Variants in NLRC3 observed in about 807,000 individuals in gnomAD.
NLRC3 encodes the protein NLR family CARD domain-containing protein 3.
In NLRC3, 87 loss-of-function variants were observed where a neutral mutation model predicts 91.6. That is an observed-to-expected ratio of 0.95 (90% CI 0.80 to 1.14). The LOEUF is 1.14. Among genes scored for constraint, NLRC3 ranks in the 50% most tolerant of loss-of-function variants. The pLI, the probability that NLRC3 is intolerant of heterozygous loss-of-function variation, is 0.00. For missense variants in NLRC3, 1,577 were observed against 1,418.6 expected, an observed-to-expected ratio of 1.11 and a Z score of -1.79; for synonymous variants, 694 against 625.3, an observed-to-expected ratio of 1.11 and a Z score of -1.64.
Position 3,564,759 on chromosome 16 carries a change from C to T in NLRC3, c.179-1G>A, listed in dbSNP as rs2039798648. 1 of 1,574,736 alleles carries T rather than the reference C, an allele frequency of 6.4e-7. No homozygotes were observed. ...TTGCGGTGCCTCTGTATCCTTGAGTCTGCGGGACAGAGGCCAGTGGGGAGG... is the reference window on the plus strand; with the variant it reads ...TTGCGGTGCCTCTGTATCCTTGAGTTTGCGGGACAGAGGCCAGTGGGGAGG... On this transcript the variant is annotated splice_acceptor_variant, in intron 4 of 19. Transcript: ENST00000359128. LOFTEE classifies it high-confidence loss of function. This position sits in a 1 kb window ranked among gnomAD's most constrained non-coding sequence, Gnocchi z 5.9.
intron 15 of NLRC3, 145 bp from the exon 16 acceptor site, chr16:3,544,474 C>G (rs1490573536): frequency 1.6e-6 from 1 of 638,226 alleles, no homozygotes; most frequent in African/African-American, 1.8e-5. Flanking sequence ...TGCCCTTCCT[C>G]CACAGGCCCT....
At chr16:3,547,212 T>C (rs2038736158) in intron 15 of NLRC3, among the ~76,000 whole-genome samples, 1 of 152,192 alleles carries the variant, frequency 6.6e-6, no homozygotes, top group South Asian at 2.1e-4. Flanking sequence ...CATTCAGCCT[T>C]ACAAAGGAAC....
rs753410430 is a variant in NLRC3 at position 3,557,578 on chromosome 16, G to A, written c.2099+15C>T. 6.3e-7 allele frequency: 1 copy of A among 1,583,900 alleles called. No homozygotes were observed. Among genetic ancestry groups the A allele is most frequent in the South Asian group, 1.1e-5 (1 of 90,026 alleles). On this transcript the variant is annotated intron_variant, in intron 7 of 19. Transcript: ENST00000359128. ...TTCCAATGGCAAAAGTTCGGCCTTG[G>A]TTGTCCTTACTTACTCCAGAGAGGT...
intron 7 of NLRC3, 87 bp downstream of exon 7, chr16:3,557,506 T>C: frequency 1.3e-6 from 1 of 769,388 alleles, no homozygotes; most frequent in Non-Finnish European, 2.2e-6. Context: ...CCCAAGTCAT[T>C]TCCTAGGAGG....
chr16:3,560,161 T>C (rs952568856), intron 6 of NLRC3, among the ~76,000 whole-genome samples: 6 of 151,970 alleles, frequency 3.9e-5, no homozygotes, highest in African/African-American at 1.4e-4. Flanking sequence ...ACACCTGTAA[T>C]CCCAGCACTT....
chr16:3,555,343 C>T (rs746678351), intron 8 of NLRC3, among the ~76,000 whole-genome samples: 3 of 151,912 alleles, frequency 2.0e-5, no homozygotes, highest in Non-Finnish European at 4.4e-5. Flanking sequence ...ACACCAAAGG[C>T]GAGCCTATAT....
chr16:3,572,527 A>G (rs1031195383), intron 1 of NLRC3, among the ~76,000 whole-genome samples: 24 of 152,290 alleles, frequency 1.6e-4, no homozygotes, highest in African/African-American at 5.3e-4. Flanking sequence ...GGGTCAAGCA[A>G]TCTTCCCACC....
chr16:3,563,337 G>T lies in NLRC3; in HGVS notation c.1600C>A (p.Leu534Met), dbSNP rs1453277700. 12 of 1,593,240 alleles carry T rather than the reference G, an allele frequency of 7.5e-6. 1 individual carries two copies. In the East Asian group the frequency reaches 2.5e-4, roughly 33 times the overall value. ...RVNALLAGSL[L>M]AQGEHQAYRT... ...TAGGCCTGGTGCTCGCCTTGGGCCA[G>T]CAGGGAGCCGGCCAGGAGGGCATTG... is the stretch of plus-strand genomic sequence containing the variant. Residue 534 changes from leucine to methionine, a missense_variant, in exon 5 of 20, where the codon CTG becomes ATG. Physicochemically the swap from Leu to Met is conservative, Grantham distance 15 (BLOSUM62 2). Coordinates refer to ENST00000359128, the MANE Select transcript of NLRC3 (RefSeq NM_178844.4).
chr16:3,543,853 T>C (rs2038542544), intron 16 of NLRC3: 1 of 352,440 alleles, frequency 2.8e-6, no homozygotes, highest in Middle Eastern at 8.8e-4. Context: ...CCTTGACTTG[T>C]AAACAAAAAT....
At chr16:3,560,295 C>T (rs936818009) in intron 6 of NLRC3, among the ~76,000 whole-genome samples, 13 of 152,012 alleles carry the variant, frequency 8.6e-5, no homozygotes, top group African/African-American at 1.7e-4. Flanking sequence ...TGGTGGCATG[C>T]GCCTGTAGTC....
At chr16:3,560,204 C>T (rs2039542269) in intron 6 of NLRC3, among the ~76,000 whole-genome samples, 2 of 152,004 alleles carry the variant, frequency 1.3e-5, no homozygotes, top group Non-Finnish European at 2.9e-5. Flanking sequence ...CACCTGAGGT[C>T]AGGAGTTTGA....
intron 2 of NLRC3, among the ~76,000 whole-genome samples, chr16:3,566,692 T>A (rs574722700): frequency 1.3e-5 from 2 of 149,848 alleles, no homozygotes; most frequent in African/African-American, 5.0e-5. Flanking sequence ...GCCATTGCAC[T>A]GTAGCCTGGG....
intron 18 of NLRC3, 107 bp from the exon 19 acceptor site, chr16:3,542,381 T>C: frequency 2.7e-6 from 2 of 743,778 alleles, no homozygotes; most frequent in Non-Finnish European, 4.7e-6. Flanking sequence ...GGCAGATGTG[T>C]CCACAGGTGC....
At chr16:3,541,976 C>T in intron 19 of NLRC3, 61 bp from the exon 20 acceptor site, 1 of 1,014,436 alleles carries the variant, frequency 9.9e-7, no homozygotes, top group South Asian at 1.4e-5. Flanking sequence ...TAGAGCAGGC[C>T]ATACAATAGA....
intron 1 of NLRC3, among the ~76,000 whole-genome samples, chr16:3,575,242 A>G (rs78278447): frequency 0.077 from 11,778 of 152,046 alleles, 511 homozygotes; most frequent in African/African-American, 0.1. Context: ...ACCTCCCAGG[A>G]CCAGCCCCAA....
chr16:3,540,465 C>T lies in NLRC3; in HGVS notation c.*1360G>A, dbSNP rs547734761. 1 of 152,166 alleles carries T rather than the reference C, an allele frequency of 6.6e-6. No individual in the cohort carries two copies. Among genetic ancestry groups the T allele is most frequent in the Non-Finnish European group, 1.5e-5 (1 of 68,032 alleles). 9.4% of individuals were successfully genotyped at this position (152,166 alleles called of 1,614,324 possible). Reference sequence around the variant, plus strand: ...CATAGAGGCTCAGCTTGCCTGTCTCCATGGAAGCTGTGGCCACAGCAGTGG... The same window carrying T: ...CATAGAGGCTCAGCTTGCCTGTCTCTATGGAAGCTGTGGCCACAGCAGTGG... On this transcript the variant is annotated 3_prime_UTR_variant, in exon 20 of 20. Coordinates refer to ENST00000359128, the MANE Select transcript of NLRC3 (RefSeq NM_178844.4).
chr16:3,558,346 C>CA, intron 6 of NLRC3, among the ~76,000 whole-genome samples: 1 of 152,040 alleles, frequency 6.6e-6, no homozygotes, highest in East Asian at 1.9e-4. Flanking sequence ...AACAACAAAA[C>CA]AAAAAACAAA....
intron 1 of NLRC3, among the ~76,000 whole-genome samples, chr16:3,575,530 G>C (rs1263025085): frequency 6.6e-6 from 1 of 152,230 alleles, no homozygotes; most frequent in Non-Finnish European, 1.5e-5. Flanking sequence ...AGGCCAGAGG[G>C]ACGAGTAGGT....
chr16:3,557,944 T>A (rs2039426246), intron 6 of NLRC3, among the ~76,000 whole-genome samples: 1 of 152,158 alleles, frequency 6.6e-6, no homozygotes, highest in Non-Finnish European at 1.5e-5. Context: ...CACAACAGCT[T>A]CTACACAAAC....
Sources: allele counts gnomAD v4.1 joint callset (sites outside exome capture counted in the v4.1 genomes callset), GRCh38; gene constraint gnomAD v4.1.1; non-coding constraint Gnocchi (gnomAD v3.1); transcripts MANE v1.5; gene names NCBI Gene and HGNC (gene_info 2026-07-23, HGNC 2026-07-21).